Variants in TNRC6C observed in about 807,000 individuals in gnomAD.
TNRC6C encodes the protein trinucleotide repeat containing adaptor 6C, also known as trinucleotide repeat-containing gene 6C protein.
Under a neutral mutation model 153.7 loss-of-function variants are expected in TNRC6C, and 20 were observed. The ratio of observed to expected loss-of-function variants is 0.13; its 90% CI spans 0.09 to 0.19. TNRC6C has a LOEUF of 0.19. Ranked by LOEUF, TNRC6C falls within the 10% of genes least tolerant of loss-of-function variation. TNRC6C has a pLI of 1.00. For missense variants in TNRC6C, 1,987 were observed against 2,172.0 expected, an observed-to-expected ratio of 0.91 and a Z score of 1.69; for synonymous variants, 811 against 841.4, an observed-to-expected ratio of 0.96 and a Z score of 0.63.
rs982851701 is a variant in TNRC6C, at chr17:78,104,648, G to A, written c.4876G>A (p.Val1626Ile). 3.2e-6 allele frequency: 5 copies of A among 1,545,836 alleles called. No homozygotes were observed. The African/African-American group carries it at 5.5e-5, about 17-fold the overall frequency. The change falls in exon 20 of 20, where the codon GTA becomes ATA. Residue 1626 changes from valine to isoleucine, a missense_variant. Physicochemically the swap from Val to Ile is conservative, Grantham distance 29. Coordinates refer to ENST00000301624, the Ensembl canonical transcript of TNRC6C. This position sits in a 1 kb window ranked among gnomAD's most constrained non-coding sequence, Gnocchi z 6.2. The stretch of plus-strand genomic sequence containing the variant: ...CGCAGCGGGCAGCTCCCATGGCCTG[G>A]TACGCAGCGACGCTGGCCACTGGAA...
At chr17:77,992,031 A>G (rs904802119) in intron 1 of TNRC6C, among the ~76,000 whole-genome samples, 2 of 152,198 alleles carry the variant, frequency 1.3e-5, no homozygotes, top group African/African-American at 4.8e-5. Context: ...TGAGGAGCGA[A>G]TGAAGTCATC....
chr17:77,993,044 C>T (rs1165729689), intron 1 of TNRC6C, among the ~76,000 whole-genome samples: 2 of 152,134 alleles, frequency 1.3e-5, no homozygotes, highest in Admixed American at 6.5e-5. Context: ...TGGCTCACTG[C>T]AACCTCCGCC....
chr17:78,079,533 T>A lies in TNRC6C; in HGVS notation c.3349T>A (p.Ser1117Thr), dbSNP rs767580349. Reference sequence around the variant, plus strand: ...CCGTGCTCAAGTGCCTCAGTTTCTATCCCCTCAGGTCAGACCCACATCCAA... The same window carrying A: ...CCGTGCTCAAGTGCCTCAGTTTCTAACCCCTCAGGTCAGACCCACATCCAA... The change falls in exon 10 of 20, where the codon TCC (serine) becomes ACC (threonine). Residue 1117 changes from serine (S) to threonine (T), a missense_variant. Around this residue, in one of 4 missense-constraint regions of TNRC6C, gnomAD observed 765 missense variants for 908.6 expected, o/e 0.84. Coordinates refer to ENST00000301624, the Ensembl canonical transcript of TNRC6C. The surrounding 1 kb of genome is among the most constrained non-coding windows in gnomAD (Gnocchi z 4.3). 6.2e-7 allele frequency: 1 copy of A among 1,613,776 alleles called. No individual in the cohort carries two copies. Among genetic ancestry groups the A allele is most frequent in the Non-Finnish European group, 8.5e-7 (1 of 1,179,858 alleles).
chr17:78,018,848 C>T (rs1380558429), intron 1 of TNRC6C, among the ~76,000 whole-genome samples: 1 of 152,040 alleles, frequency 6.6e-6, no homozygotes, highest in African/African-American at 2.4e-5. Flanking sequence ...TTGAGAGAAG[C>T]TGGATGGCAT....
At chr17:77,973,790 A>T (rs1396670484) in intron 1 of TNRC6C, among the ~76,000 whole-genome samples, 1 of 152,210 alleles carries the variant, frequency 6.6e-6, no homozygotes, top group Non-Finnish European at 1.5e-5. Context: ...AGAAGTGAAG[A>T]TGTTTACACC....
intron 2 of TNRC6C, among the ~76,000 whole-genome samples, chr17:78,048,178 C>A (rs188701531): frequency 2.3e-4 from 35 of 151,536 alleles, no homozygotes; most frequent in Admixed American, 1.5e-3. Context: ...TATGAATGTG[C>A]AGGAGACAGT....
intron 1 of TNRC6C, among the ~76,000 whole-genome samples, chr17:77,987,381 T>C (rs1024715457): frequency 6.6e-6 from 1 of 152,240 alleles, no homozygotes. Flanking sequence ...TGTATTCAGC[T>C]AATAAAACTA....
Position 77,991,220 on chromosome 17 carries a change from G to A in TNRC6C, c.-37-12950G>A, listed in dbSNP as rs536680041. The stretch of plus-strand genomic sequence containing the variant: ...CTGAAATCATTTTCATCATATTCCT[G>A]TAGAGTCAAATCTCAGGGGCTTGAT... On this transcript the variant is annotated intron_variant, in intron 1 of 22. Transcript: ENST00000636222. 2.0e-5 allele frequency among the ~76,000 whole-genome samples: 3 copies of A among 152,288 alleles called. No homozygotes were observed. The South Asian group carries it at 6.2e-4, about 32-fold the overall frequency.
At chr17:77,984,231 G>A (rs1200839387) in intron 1 of TNRC6C, among the ~76,000 whole-genome samples, 1 of 151,986 alleles carries the variant, frequency 6.6e-6, no homozygotes, top group African/African-American at 2.4e-5. Flanking sequence ...GGAGAAAAGG[G>A]TCTTCCCAGC....
At chr17:78,004,808 C>T (rs1281313932), upstream of TNRC6C, among the ~76,000 whole-genome samples, 1 of 151,944 alleles carries the variant, frequency 6.6e-6, no homozygotes, top group African/African-American at 2.4e-5. Flanking sequence ...CCTATTAGAG[C>T]CTGTTAAAAT....
chr17:78,031,486 T>C (rs756602486), intron 1 of TNRC6C, 30 bp from the exon 4 acceptor site: 22 of 1,231,136 alleles, frequency 1.8e-5, no homozygotes, highest in Non-Finnish European at 2.2e-5. Context: ...AGCTAAAGTT[T>C]TGGGTTCTTT....
chr17:78,088,451 C>G, intron 13 of TNRC6C, among the ~76,000 whole-genome samples: 1 of 151,612 alleles, frequency 6.6e-6, no homozygotes, highest in Non-Finnish European at 1.5e-5. Context: ...CCAGGCAAGT[C>G]TCAAAACTCC....
chr17:78,101,420 T>A (rs1177524242), intron 17 of TNRC6C, among the ~76,000 whole-genome samples: 1 of 152,184 alleles, frequency 6.6e-6, no homozygotes, highest in Non-Finnish European at 1.5e-5. Flanking sequence ...CATTCTCCCG[T>A]CTATTTCTGA....
intron 3 of TNRC6C, among the ~76,000 whole-genome samples, chr17:78,061,463 T>C (rs2072766580): frequency 6.6e-6 from 1 of 152,228 alleles, no homozygotes; most frequent in South Asian, 2.1e-4. Flanking sequence ...TGGTACATCC[T>C]AGTGTTTCTG....
chr17:78,106,884 C>CAAAAAAAAAAAA (rs72217904), exon 20 of TNRC6C: 1 of 75,732 alleles, frequency 1.3e-5, no homozygotes, highest in African/African-American at 4.4e-5. Context: ...AAAAAAAATA[C>CAAAAAAAAAAAA]AAAAAAAAAA....
intron 13 of TNRC6C, among the ~76,000 whole-genome samples, chr17:78,089,257 C>T (rs767063820): frequency 2.6e-5 from 4 of 152,062 alleles, no homozygotes; most frequent in African/African-American, 4.8e-5. Context: ...CGTGAGCCAC[C>T]GTGCCCGACC....
At chr17:77,975,200 A>C (rs2070981636) in intron 1 of TNRC6C, among the ~76,000 whole-genome samples, 1 of 152,200 alleles carries the variant, frequency 6.6e-6, no homozygotes, top group Non-Finnish European at 1.5e-5. Flanking sequence ...AATAATGTAC[A>C]TCAAAAGAAT....
intron 1 of TNRC6C, among the ~76,000 whole-genome samples, chr17:77,997,633 A>C (rs2071347917): frequency 6.6e-6 from 1 of 151,286 alleles, no homozygotes; most frequent in Admixed American, 6.6e-5. Context: ...AACCCTTTTC[A>C]CCATAACCAT....
At chr17:78,057,789 T>C (rs898583179) in intron 3 of TNRC6C, among the ~76,000 whole-genome samples, 4 of 152,192 alleles carry the variant, frequency 2.6e-5, no homozygotes, top group African/African-American at 9.7e-5. Flanking sequence ...TATTGATCTC[T>C]CCTGTCTTAT....
Sources: gnomAD v4.1 joint callset for allele counts (sites outside exome capture counted in the v4.1 genomes callset) on GRCh38, gnomAD v4.1.1 for gene constraint, gnomAD v4.1.1 regional missense constraint, Gnocchi (gnomAD v3.1) non-coding constraint, MANE v1.5 for transcripts, NCBI Gene and HGNC (gene_info 2026-07-23, HGNC 2026-07-21) for gene names.